Variants in CDH13 observed in about 807,000 individuals in gnomAD.
CDH13 encodes cadherin-13.
Under a neutral mutation model 63.8 loss-of-function variants are expected in CDH13, and 24 were observed. That is an observed-to-expected ratio of 0.38 (90% CI 0.27 to 0.53). The LOEUF is 0.53. Ranked by LOEUF, CDH13 falls within the 20% of genes least tolerant of loss-of-function variation. The pLI is 0.85. For synonymous variants in CDH13, 503 were observed against 355.3 expected (o/e 1.42, Z -4.67); for missense variants, 1,049 against 903.1 (o/e 1.16, Z -2.07).
intron 7 of CDH13, among the ~76,000 whole-genome samples, chr16:83,546,661 T>G (rs530386561): frequency 2.0e-5 from 3 of 152,164 alleles, no homozygotes; most frequent in Non-Finnish European, 4.4e-5. Flanking sequence ...GTAGCGAAGT[T>G]TGGGGAGACC....
intron 8 of CDH13, among the ~76,000 whole-genome samples, chr16:83,609,674 A>G (rs1220865004): frequency 1.3e-5 from 2 of 152,174 alleles, no homozygotes; most frequent in African/African-American, 4.8e-5. Context: ...TAACTTTATC[A>G]CTTTTGATTA....
At chr16:83,691,072 G>A (rs997208160) in intron 10 of CDH13, among the ~76,000 whole-genome samples, 5 of 374 alleles carry the variant, frequency 0.013, no homozygotes, top group African/African-American at 0.016. Context: ...CAACTGTGCC[G>A]TGTGTGTGTG....
chr16:83,404,401 C>A (rs1054529221), intron 6 of CDH13, among the ~76,000 whole-genome samples: 2 of 152,164 alleles, frequency 1.3e-5, no homozygotes, highest in African/African-American at 4.8e-5. Flanking sequence ...ATGCTTATAA[C>A]GTTGTCATTA....
At chr16:83,524,295 T>G (rs1399873322) in intron 7 of CDH13, among the ~76,000 whole-genome samples, 2 of 152,090 alleles carry the variant, frequency 1.3e-5, no homozygotes, top group African/African-American at 4.8e-5. Flanking sequence ...AGACACTTAT[T>G]TAGTGTGTTT....
At chr16:83,319,272 A>C (rs1278099347) in intron 5 of CDH13, among the ~76,000 whole-genome samples, 1 of 152,174 alleles carries the variant, frequency 6.6e-6, no homozygotes, top group African/African-American at 2.4e-5. Context: ...TTGGATATCA[A>C]ATATTTGACC....
chr16:83,526,870 G>A (rs763740241), intron 7 of CDH13, among the ~76,000 whole-genome samples: 10 of 152,288 alleles, frequency 6.6e-5, no homozygotes, highest in Non-Finnish European at 8.8e-5. Context: ...GGTGGCTCGT[G>A]CCCGTAATCC....
At chr16:82,835,849 C>G (rs929696851) in intron 1 of CDH13, among the ~76,000 whole-genome samples, 4 of 152,178 alleles carry the variant, frequency 2.6e-5, no homozygotes, top group African/African-American at 7.2e-5. Context: ...CTCCATCAGT[C>G]TATGACAATA....
intron 4 of CDH13, among the ~76,000 whole-genome samples, chr16:83,168,842 C>T (rs1326314067): frequency 2.0e-5 from 3 of 152,004 alleles, no homozygotes; most frequent in African/African-American, 7.2e-5. Context: ...AAAGTTCTTC[C>T]AAACCATGAT....
intron 2 of CDH13, among the ~76,000 whole-genome samples, chr16:82,927,070 T>G (rs975478891): frequency 5.3e-5 from 8 of 152,110 alleles, no homozygotes; most frequent in African/African-American, 1.9e-4. Flanking sequence ...TTCCTTAATG[T>G]GCTTGGTGGT....
chr16:83,405,371 A>T (rs1333918653), intron 6 of CDH13, among the ~76,000 whole-genome samples: 2 of 152,172 alleles, frequency 1.3e-5, no homozygotes, highest in Non-Finnish European at 2.9e-5. Context: ...TGATTTAAAG[A>T]AGTTAGTCTG....
chr16:83,094,167 T>G (rs1198768737), intron 3 of CDH13, among the ~76,000 whole-genome samples: 1 of 152,094 alleles, frequency 6.6e-6, no homozygotes, highest in Non-Finnish European at 1.5e-5. Flanking sequence ...CAAAGCAAAG[T>G]AGAAAATGGA....
chr16:83,095,129 T>C (rs2034129875), intron 3 of CDH13, among the ~76,000 whole-genome samples: 1 of 152,250 alleles, frequency 6.6e-6, no homozygotes, highest in African/African-American at 2.4e-5. Context: ...AACCCTGATT[T>C]GTGGTGTTTG....
In CDH13 at chr16:83,045,994, G is replaced by T. The variant is rs184611200; in HGVS notation, c.366+13776G>T. Among the ~76,000 whole-genome samples, 306 of 152,372 alleles carry T rather than the reference G, an allele frequency of 2.0e-3. 1 individual carries two copies. Among genetic ancestry groups the T allele is most frequent in the Middle Eastern group, 0.017 (5 of 294 alleles). On this transcript the variant is annotated intron_variant, in intron 3 of 13. Coordinates refer to ENST00000567109, the MANE Select transcript of CDH13 (RefSeq NM_001257.5). ...TTGGACCCTTTGGCCTGGGAGTGAT[G>T]TGTGATAGTTGCCAGGGTGGCATCT...
At chr16:83,598,812 T>TA (rs1291698072) in intron 7 of CDH13, among the ~76,000 whole-genome samples, 22 of 152,184 alleles carry the variant, frequency 1.4e-4, no homozygotes, top group Admixed American at 1.4e-3. Context: ...CTTTGTGTGG[T>TA]TACAGGTGGC....
At chr16:83,607,587 A>C (rs1467399123) in intron 8 of CDH13, among the ~76,000 whole-genome samples, 1 of 152,214 alleles carries the variant, frequency 6.6e-6, no homozygotes, top group African/African-American at 2.4e-5. Flanking sequence ...AGATAATTTT[A>C]ACTTCAGAAC....
chr16:83,700,978 A>G (rs1045831609), intron 10 of CDH13, among the ~76,000 whole-genome samples: 12 of 152,166 alleles, frequency 7.9e-5, no homozygotes, highest in Non-Finnish European at 1.6e-4. Context: ...CCCCTTCTCA[A>G]TAAAACAACA....
rs575335007 is a variant in CDH13 at position 83,244,019 on chromosome 16, C to T, written c.636+26522C>T. On this transcript the variant is annotated intron_variant, in intron 5 of 13. Transcript: ENST00000567109. Reference sequence around the variant, plus strand: ...CCATATAAATTCATCTCTCTAGAAACGAAGAATTCTAACGTCCATCCTCAC... The same window carrying T: ...CCATATAAATTCATCTCTCTAGAAATGAAGAATTCTAACGTCCATCCTCAC... Among the ~76,000 whole-genome samples, 26 of 152,152 alleles carry T rather than the reference C, an allele frequency of 1.7e-4. 1 individual carries two copies. The highest frequency in any genetic ancestry group is 3.9e-4 in the African/African-American group (16 of 41,522).
chr16:83,798,317 C>T lies in CDH13; in HGVS notation c.*3287C>T, dbSNP rs958568381. ...GCAGTTGCACCCAGGCACGAGCTCT[C>T]CAGATGATTCTGAGGAAAGGAGTCT... is the stretch of plus-strand genomic sequence containing the variant. On this transcript the variant is annotated 3_prime_UTR_variant, in exon 14 of 14. Coordinates refer to ENST00000567109, the MANE Select transcript of CDH13 (RefSeq NM_001257.5). The T allele has an allele frequency of 6.6e-6, 1 of 152,136 alleles. No individual in the cohort carries two copies. The highest frequency in any genetic ancestry group is 6.5e-5 in the Admixed American group (1 of 15,282). The allele number at this position is 152,136 out of a possible 1,614,324, so 9.4% of individuals were successfully genotyped here. A position where few individuals can be genotyped will look rare whatever the true frequency, so the allele number is the denominator to read the frequency against.
chr16:82,781,731 C>G (rs1027870633), intron 1 of CDH13, among the ~76,000 whole-genome samples: 1 of 152,218 alleles, frequency 6.6e-6, no homozygotes, highest in African/African-American at 2.4e-5. Flanking sequence ...TATCCATCCA[C>G]GTAACCACTC....
Sources: gnomAD v4.1 joint callset for allele counts (sites outside exome capture counted in the v4.1 genomes callset) on GRCh38, gnomAD v4.1.1 for gene constraint, MANE v1.5 for transcripts, NCBI Gene and HGNC (gene_info 2026-07-23, HGNC 2026-07-21) for gene names.